The following EML6 variants were observed in gnomAD, a reference collection of about 807,000 sequenced individuals.
The protein encoded by EML6 is EMAP like 6.
Under a neutral mutation model 240.1 loss-of-function variants are expected in EML6, and 154 were observed. That is an observed-to-expected ratio of 0.64 (90% CI 0.56 to 0.73). EML6 has a LOEUF of 0.73. Ranked by LOEUF, EML6 falls within the 30% of genes least tolerant of loss-of-function variation. The probability of loss-of-function intolerance (pLI) is 0.00; values close to 1 mark genes in which losing one functional copy is unlikely to be tolerated. For missense variants in EML6, 2,964 were observed against 2,474.6 expected (o/e 1.20, Z -4.20); for synonymous variants, 1,148 against 899.0 (o/e 1.28, Z -4.95).
At chr2:54,817,007 C>G (rs972146332) in intron 4 of EML6, 122 bp downstream of exon 4, 1 of 628,712 alleles carries the variant, frequency 1.6e-6, no homozygotes, top group Non-Finnish European at 2.8e-6. Context: ...TCCTATTAAA[C>G]TTATAATCAT....
intron 12 of EML6, among the ~76,000 whole-genome samples, chr2:54,860,115 T>G (rs1359946382): frequency 6.6e-6 from 1 of 152,124 alleles, no homozygotes; most frequent in Non-Finnish European, 1.5e-5. Flanking sequence ...TGAGGCACAC[T>G]CTGGCAGGAA....
chr2:54,812,678 A>C (rs1276897337), intron 2 of EML6, among the ~76,000 whole-genome samples: 2 of 152,174 alleles, frequency 1.3e-5, no homozygotes, highest in Admixed American at 6.5e-5. Context: ...TTGGTGTCAC[A>C]GTGATCTATG....
At chr2:54,907,905 T>G (rs1673408205) in intron 24 of EML6, among the ~76,000 whole-genome samples, 1 of 37,450 alleles carries the variant, frequency 2.7e-5, no homozygotes, top group Admixed American at 2.5e-4. Context: ...ATAGATTAGA[T>G]AGATAGATAG....
intron 2 of EML6, among the ~76,000 whole-genome samples, chr2:54,751,308 C>T (rs952730435): frequency 6.6e-6 from 1 of 152,116 alleles, no homozygotes; most frequent in Non-Finnish European, 1.5e-5. Flanking sequence ...CTGAGAAACA[C>T]ACGGGGATGT....
chr2:54,847,753 C>T, intron 9 of EML6, 130 bp downstream of exon 9: 8 of 786,694 alleles, frequency 1.0e-5, no homozygotes, highest in Non-Finnish European at 1.4e-5. Flanking sequence ...TACTATAGAT[C>T]TACGATCCCC....
chr2:54,772,831 G>A (rs1668453479), intron 2 of EML6, among the ~76,000 whole-genome samples: 1 of 152,208 alleles, frequency 6.6e-6, no homozygotes. Flanking sequence ...AGCTGTGACT[G>A]CTGGTCGACG....
At chr2:54,928,822 T>C (rs989307283) in intron 28 of EML6, 71 bp downstream of exon 28, 53 of 1,527,114 alleles carry the variant, frequency 3.5e-5, no homozygotes, top group Non-Finnish European at 4.5e-5. Context: ...CCAGAGTGCG[T>C]TTTCTTTGCC....
chr2:54,797,348 G>A (rs1669873123), intron 2 of EML6, among the ~76,000 whole-genome samples: 2 of 151,990 alleles, frequency 1.3e-5, no homozygotes, highest in African/African-American at 4.8e-5. Context: ...GGAGAGAAAT[G>A]AATATGGTCT....
intron 3 of EML6, 81 bp downstream of exon 3, chr2:54,813,472 C>A: frequency 8.5e-7 from 1 of 1,171,980 alleles, no homozygotes; most frequent in East Asian, 2.6e-5. Flanking sequence ...CCAGTAGATT[C>A]AAAGTCCATC....
At chr2:54,859,762 G>A in intron 12 of EML6, 61 bp downstream of exon 12, 1 of 1,384,362 alleles carries the variant, frequency 7.2e-7, no homozygotes, top group East Asian at 2.5e-5. Context: ...TCAAAGAATG[G>A]TCTAACATGT....
Position 54,869,284 on chromosome 2 carries a change from T to G in EML6, c.2155T>G (p.Ser719Ala). The G allele has an allele frequency of 6.4e-7, 1 of 1,551,704 alleles. No homozygotes were observed. Among genetic ancestry groups the G allele is most frequent in the Non-Finnish European group, 8.7e-7 (1 of 1,146,926 alleles). The change falls in exon 15 of 42, where the codon TCC becomes GCC. Residue 719 changes from serine to alanine, a missense_variant. Physicochemically the swap from Ser to Ala is moderately conservative, Grantham distance 99. Coordinates refer to ENST00000356458, the MANE Select transcript of EML6 (RefSeq NM_001039753.4). ...TGTCGTGTATAATCGGCAGCAGCAC[T>G]CCCAGAGGCTGTACCTGGGGCACGA... ...VAVVYNRQQH[S>A]QRLYLGHDDD...
At chr2:54,784,804 T>A (rs1323464555) in intron 2 of EML6, among the ~76,000 whole-genome samples, 1 of 152,140 alleles carries the variant, frequency 6.6e-6, no homozygotes, top group Admixed American at 6.5e-5. Context: ...CACATGCTAT[T>A]CTTAAAGGAA....
intron 34 of EML6, 88 bp downstream of exon 34, chr2:54,959,349 C>G: frequency 7.9e-7 from 1 of 1,271,454 alleles, no homozygotes; most frequent in Non-Finnish European, 1.1e-6. Flanking sequence ...GGAGAAAATG[C>G]AGACTGTCAT....
chr2:54,810,158 A>C (rs1667760353), intron 2 of EML6, among the ~76,000 whole-genome samples: 1 of 152,210 alleles, frequency 6.6e-6, no homozygotes, highest in Non-Finnish European at 1.5e-5. Flanking sequence ...GGACTGGAGA[A>C]AGGGCTGTAA....
At chr2:54,874,642 A>C (rs558359076) in intron 16 of EML6, among the ~76,000 whole-genome samples, 5 of 152,298 alleles carry the variant, frequency 3.3e-5, no homozygotes, top group Admixed American at 3.3e-4. Context: ...TATTGTGGAA[A>C]AACTTTGACT....
At chr2:54,953,058 G>A (rs775059907) in intron 31 of EML6, among the ~76,000 whole-genome samples, 4 of 152,112 alleles carry the variant, frequency 2.6e-5, no homozygotes, top group Admixed American at 6.5e-5. Context: ...CCTGTGCCCT[G>A]GGAAACTGCC....
chr2:54,827,800 A>AG (rs1668668803), intron 6 of EML6, 49 bp downstream of exon 6: 4 of 1,340,086 alleles, frequency 3.0e-6, no homozygotes, highest in Non-Finnish European at 4.2e-6. Flanking sequence ...AAATAAGGTA[A>AG]GACCACGAAT....
chr2:54,849,731 G>T (rs371929428), intron 9 of EML6, among the ~76,000 whole-genome samples: 2 of 152,230 alleles, frequency 1.3e-5, no homozygotes, highest in East Asian at 1.9e-4. Flanking sequence ...CTCGTGATCC[G>T]TCTGCCTCGG....
At chr2:54,775,394 G>C (rs1668559493) in intron 2 of EML6, among the ~76,000 whole-genome samples, 1 of 152,076 alleles carries the variant, frequency 6.6e-6, no homozygotes, top group Admixed American at 6.5e-5. Context: ...AGGACTTTTG[G>C]ACTTGTTCTT....
Sources: gnomAD v4.1 joint callset for allele counts (sites outside exome capture counted in the v4.1 genomes callset) on GRCh38, gnomAD v4.1.1 for gene constraint, MANE v1.5 for transcripts, NCBI Gene and HGNC (gene_info 2026-07-23, HGNC 2026-07-21) for gene names.